Variants in ELP4 observed in about 807,000 individuals in gnomAD.
ELP4 encodes the protein elongator acetyltransferase complex subunit 4.
In ELP4, 51 loss-of-function variants were observed where a neutral mutation model predicts 48.9. The observed-to-expected ratio is 1.04, with a 90% CI of 0.83 to 1.32. The LOEUF is 1.32. Among genes scored for constraint, ELP4 ranks in the 40% most tolerant of loss-of-function variants. The pLI is 0.00. For missense variants in ELP4, 519 were observed against 514.6 expected (o/e 1.01, Z -0.08); for synonymous variants, 210 against 189.2 (o/e 1.11, Z -0.90).
At chr11:31,515,033 G>GTATATATATATATATATA (rs10676705) in intron 1 of ELP4, among the ~76,000 whole-genome samples, 1 of 133,968 alleles carries the variant, frequency 7.5e-6, no homozygotes, top group Non-Finnish European at 1.6e-5. Flanking sequence ...GTGTGTGTGT[G>GTATATATATATATATATA]TATATATATA....
intron 1 of ELP4, among the ~76,000 whole-genome samples, chr11:31,512,767 T>C (rs1411294425): frequency 6.6e-6 from 1 of 152,060 alleles, no homozygotes; most frequent in Non-Finnish European, 1.5e-5. Context: ...TAAAGAATTC[T>C]GGCAGAAATG....
In ELP4 at chr11:31,789,876, A is replaced by T. The variant is rs775315951; in HGVS notation, c.*6352A>T. 1.7e-5 allele frequency: 24 copies of T among 1,452,394 alleles called. 1 individual carries two copies. In the South Asian group the frequency reaches 2.7e-4, roughly 17 times the overall value. 90.0% of individuals were successfully genotyped at this position (1,452,394 alleles called of 1,614,324 possible). Reference sequence around the variant, plus strand: ...CTGAAAGCTCAACTGTTGTGTCCCCATAGTCACTGACTGAATTAACACAAT... The same window carrying T: ...CTGAAAGCTCAACTGTTGTGTCCCCTTAGTCACTGACTGAATTAACACAAT... On this transcript the variant is annotated 3_prime_UTR_variant, in exon 10 of 10. Coordinates refer to ENST00000640961, the MANE Select transcript of ELP4 (RefSeq NM_019040.5).
At chr11:31,684,902 T>C (rs1946130211) in intron 9 of ELP4, among the ~76,000 whole-genome samples, 1 of 152,216 alleles carries the variant, frequency 6.6e-6, no homozygotes, top group South Asian at 2.1e-4. Flanking sequence ...CTGAGGGTAC[T>C]TTCAAGGAGC....
intron 5 of ELP4, among the ~76,000 whole-genome samples, chr11:31,626,284 A>G (rs1281688029): frequency 6.6e-6 from 1 of 151,834 alleles, no homozygotes; most frequent in Non-Finnish European, 1.5e-5. Context: ...TACTTGCATA[A>G]TTTTAAGGTC....
At chr11:31,779,276 T>A (rs1330852020) in intron 9 of ELP4, among the ~76,000 whole-genome samples, 2 of 152,214 alleles carry the variant, frequency 1.3e-5, no homozygotes, top group Non-Finnish European at 2.9e-5. Flanking sequence ...CTGATTAAAC[T>A]TATTTTAATG....
intron 9 of ELP4, chr11:31,707,117 A>T (rs1301175281): frequency 7.6e-6 from 3 of 397,166 alleles, no homozygotes; most frequent in Non-Finnish European, 1.3e-5. Context: ...TTGCTGGATC[A>T]TATGGTAGTT....
intron 2 of ELP4, among the ~76,000 whole-genome samples, chr11:31,531,095 G>C (rs1316466420): frequency 2.0e-5 from 3 of 152,164 alleles, no homozygotes; most frequent in Non-Finnish European, 2.9e-5. Flanking sequence ...TCAGCTTGAT[G>C]AGTTTAGTGT....
intron 4 of ELP4, chr11:31,599,522 C>CACAAAA (rs1350916176): frequency 7.9e-6 from 1 of 126,626 alleles, no homozygotes; most frequent in Admixed American, 7.9e-5. Context: ...CACACACACA[C>CACAAAA]AAAAAAAAAA....
At chr11:31,692,163 A>T (rs981034153) in intron 9 of ELP4, among the ~76,000 whole-genome samples, 3 of 152,172 alleles carry the variant, frequency 2.0e-5, no homozygotes, top group African/African-American at 7.2e-5. Context: ...AAATTTCTAA[A>T]CTAACTTGAA....
At chr11:31,518,494 A>ATTTT (rs539723681) in intron 1 of ELP4, among the ~76,000 whole-genome samples, 6 of 122,844 alleles carry the variant, frequency 4.9e-5, no homozygotes, top group Non-Finnish European at 5.1e-5. Context: ...CATAGTTCAG[A>ATTTT]TTTTTTTTTT....
intron 9 of ELP4, among the ~76,000 whole-genome samples, chr11:31,731,427 G>A (rs1230398313): frequency 1.3e-5 from 2 of 152,110 alleles, no homozygotes; most frequent in Non-Finnish European, 2.9e-5. Context: ...ATTCCCTAGA[G>A]GGTTCAACAG....
intron 9 of ELP4, among the ~76,000 whole-genome samples, chr11:31,697,127 T>C (rs1440890190): frequency 6.6e-6 from 1 of 152,090 alleles, no homozygotes; most frequent in Non-Finnish European, 1.5e-5. Flanking sequence ...TAAATATATA[T>C]GCACCCAATA....
intron 5 of ELP4, among the ~76,000 whole-genome samples, chr11:31,619,477 A>G (rs552525536): frequency 2.0e-4 from 31 of 152,116 alleles, no homozygotes; most frequent in Non-Finnish European, 4.0e-4. Context: ...GGGTGCCAGC[A>G]TAGTCAGATT....
chr11:31,582,475 A>G (rs1365564950), intron 3 of ELP4, among the ~76,000 whole-genome samples: 1 of 151,966 alleles, frequency 6.6e-6, no homozygotes, highest in Non-Finnish European at 1.5e-5. Context: ...CTTTTTACCA[A>G]ATTATTATTC....
At chr11:31,764,418 A>G (rs1948004761) in intron 9 of ELP4, among the ~76,000 whole-genome samples, 1 of 152,186 alleles carries the variant, frequency 6.6e-6, no homozygotes, top group Admixed American at 6.5e-5. Context: ...GCTGCTTCAT[A>G]TTGTGTGAAA....
intron 9 of ELP4, among the ~76,000 whole-genome samples, chr11:31,730,186 G>A (rs1947155757): frequency 6.6e-6 from 1 of 152,120 alleles, no homozygotes; most frequent in African/African-American, 2.4e-5. Flanking sequence ...TAGTCCATTT[G>A]TGCTACTATA....
At chr11:31,552,699 C>G (rs1322925792) in intron 3 of ELP4, among the ~76,000 whole-genome samples, 1 of 152,134 alleles carries the variant, frequency 6.6e-6, no homozygotes, top group Non-Finnish European at 1.5e-5. Flanking sequence ...TCTCTTCAGT[C>G]TGATCTCACC....
chr11:31,719,684 A>T (rs942200659), intron 9 of ELP4: 1 of 383,840 alleles, frequency 2.6e-6, no homozygotes. Flanking sequence ...TAAGAATTAT[A>T]TCTCATTAAA....
rs1236841226 is a variant in ELP4 at position 31,723,682 on chromosome 11, A to AC, written c.1144-59708dup. Reference sequence around the variant, plus strand: ...CCATTTTACAGCTGAAGTAACTGATACCCAAGATCACTGTGTGGTAAAGCG... The same window carrying AC: ...CCATTTTACAGCTGAAGTAACTGATACCCCAAGATCACTGTGTGGTAAAGCG... On this transcript the variant is annotated intron_variant, in intron 9 of 9. Coordinates refer to ENST00000640961, the MANE Select transcript of ELP4 (RefSeq NM_019040.5). 5.9e-5 allele frequency among the ~76,000 whole-genome samples: 9 copies of AC among 152,326 alleles called. No homozygotes were observed. The South Asian group carries it at 1.0e-3, about 18-fold the overall frequency.
Sources: gnomAD v4.1 joint callset for allele counts (sites outside exome capture counted in the v4.1 genomes callset) on GRCh38, gnomAD v4.1.1 for gene constraint, MANE v1.5 for transcripts, NCBI Gene and HGNC (gene_info 2026-07-23, HGNC 2026-07-21) for gene names.